DDX60: variants seen among roughly 807,000 people sequenced by gnomAD.
DDX60 encodes the protein DExD/H-box helicase 60, also known as probable ATP-dependent RNA helicase DDX60.
Under a neutral mutation model 212.8 loss-of-function variants are expected in DDX60, and 165 were observed. The observed-to-expected ratio is 0.78, with a 90% CI of 0.68 to 0.88. DDX60 has a LOEUF of 0.88. Among genes scored for constraint, DDX60 ranks in the 40% least tolerant of loss-of-function variants. The pLI, the probability that DDX60 is intolerant of heterozygous loss-of-function variation, is 0.00. For missense variants in DDX60, 1,905 were observed against 2,003.9 expected (o/e 0.95, Z 0.94); for synonymous variants, 703 against 685.3 (o/e 1.03, Z -0.40).
intron 13 of DDX60, among the ~76,000 whole-genome samples, chr4:168,281,838 T>C (rs1284136532): frequency 6.6e-6 from 1 of 152,212 alleles, no homozygotes; most frequent in East Asian, 1.9e-4. Context: ...ATTTGAGTTT[T>C]CCCAGTGTTT....
At position 168,306,543 on chromosome 4, in the gene DDX60, C is replaced by T. The variant is rs1329037832; in HGVS notation, c.442G>A (p.Glu148Lys). ...TGTGTTTGTAGATCGTTCAGGCCTT[C>T]GTCTGCAACTATCAGGAAATATGGG... ...SYPYFLIVAD[E>K]GLNDLQTQLF... The change falls in exon 5 of 38, where the codon GAA (glutamate) becomes AAA (lysine). Residue 148 changes from glutamate to lysine, a missense_variant. Transcript: ENST00000393743. 2 of 1,614,146 alleles carry T rather than the reference C, an allele frequency of 1.2e-6. No homozygotes were observed. Among genetic ancestry groups the T allele is most frequent in the Non-Finnish European group, 1.7e-6 (2 of 1,180,016 alleles).
intron 13 of DDX60, among the ~76,000 whole-genome samples, chr4:168,281,571 C>G (rs1735594494): frequency 6.6e-6 from 1 of 152,194 alleles, no homozygotes. Context: ...ACAAATACAA[C>G]TGATTTGCTC....
At chr4:168,260,557 C>T (rs1671316) in intron 25 of DDX60, among the ~76,000 whole-genome samples, 77,347 of 151,896 alleles carry the variant, frequency 0.51, 21,727 homozygotes, top group African/African-American at 0.77. Context: ...GCACAAGGAT[C>T]GAGGGGGATG....
intron 6 of DDX60, among the ~76,000 whole-genome samples, chr4:168,297,835 T>C (rs1736472726): frequency 6.6e-6 from 1 of 151,996 alleles, no homozygotes; most frequent in African/African-American, 2.4e-5. Flanking sequence ...GGCAAGGAGG[T>C]TGCTGTGATC....
intron 19 of DDX60, among the ~76,000 whole-genome samples, chr4:168,271,651 G>C (rs961485481): frequency 6.6e-6 from 1 of 152,164 alleles, no homozygotes; most frequent in Non-Finnish European, 1.5e-5. Flanking sequence ...TTAATTATCT[G>C]TTGGGATCAT....
At position 168,283,913 on chromosome 4, in the gene DDX60, A is replaced by C. The variant is rs1735705679; in HGVS notation, c.1562-307T>G. ...GTGAATTAGTTTAAGAAGAAGGTAG[A>C]GGCAGAGTGAAGAAGACAACCATCT... is the stretch of plus-strand genomic sequence containing the variant. On this transcript the variant is annotated intron_variant, in intron 12 of 37. Coordinates refer to ENST00000393743, the MANE Select transcript of DDX60 (RefSeq NM_017631.6). Among the ~76,000 whole-genome samples, 3 of 152,184 alleles carry C rather than the reference A, an allele frequency of 2.0e-5. No individual in the cohort carries two copies. In the South Asian group the frequency reaches 6.2e-4, roughly 32 times the overall value.
intron 22 of DDX60, 59 bp from the exon 23 acceptor site, chr4:168,262,846 C>T: frequency 1.7e-6 from 2 of 1,192,458 alleles, no homozygotes; most frequent in South Asian, 1.6e-5. Flanking sequence ...GTATCCTTTG[C>T]CTCTTAGTCA....
At chr4:168,320,765 T>C (rs530877217), upstream of DDX60, among the ~76,000 whole-genome samples, 5 of 152,234 alleles carry the variant, frequency 3.3e-5, no homozygotes, top group African/African-American at 9.6e-5. Flanking sequence ...ACCATATCAA[T>C]GATCACAGCA....
intron 6 of DDX60, among the ~76,000 whole-genome samples, chr4:168,294,794 G>A (rs969082427): frequency 2.6e-5 from 4 of 151,950 alleles, no homozygotes; most frequent in South Asian, 2.1e-4. Context: ...GAGCCACCGC[G>A]CCCAGCCAAA....
In DDX60 at chr4:168,255,686, T is replaced by C. The variant is rs985904135; in HGVS notation, c.3557+25A>G. On this transcript the variant is annotated intron_variant, in intron 26 of 37. Coordinates refer to ENST00000393743, the MANE Select transcript of DDX60 (RefSeq NM_017631.6). ...GGGGAGTATTTTAACCCTCTACTTATCAATTTGTTTAGTTAACTACTTACA... is the reference window on the plus strand; with the variant it reads ...GGGGAGTATTTTAACCCTCTACTTACCAATTTGTTTAGTTAACTACTTACA... 6 of 1,552,980 alleles carry C rather than the reference T, an allele frequency of 3.9e-6. No homozygotes were observed. The African/African-American group carries it at 5.6e-5, about 14-fold the overall frequency.
At chr4:168,297,328 AAGAAAGAAAGAAAGAAAGAAAG>A (rs1407678853) in intron 6 of DDX60, among the ~76,000 whole-genome samples, 14 of 79,090 alleles carry the variant, frequency 1.8e-4, no homozygotes, top group Admixed American at 1.5e-3. Flanking sequence ...GAAAGAAAGA[AAGAAAGAAAGAAAGAAAGAAAG>A]AAAGAAAGAA....
chr4:168,220,376 T>C (rs955262394), intron 37 of DDX60, among the ~76,000 whole-genome samples: 8 of 152,124 alleles, frequency 5.3e-5, no homozygotes, highest in African/African-American at 1.7e-4. Context: ...AATGAAGCTT[T>C]TGAATATTGC....
At chr4:168,299,005 A>G (rs143131243) in intron 6 of DDX60, among the ~76,000 whole-genome samples, 8,630 of 152,042 alleles carry the variant, frequency 0.057, 335 homozygotes, top group Non-Finnish European at 0.088. Flanking sequence ...TACTAAAAAT[A>G]CAAAAATTAG....
Position 168,217,006 on chromosome 4 carries a change from T to C in DDX60, c.5066A>G (p.Asn1689Ser). 5 of 1,606,200 alleles carry C rather than the reference T, an allele frequency of 3.1e-6. No homozygotes were observed. The highest frequency in any genetic ancestry group is 4.2e-6 in the Non-Finnish European group (5 of 1,177,554). ...GGCTAAGACAACGTTGTCGTCTTCA[T>C]TTTCACATAGCTCACGCAAGGAAAC... ...ISVSLRELCE[N>S]EDDNVVLAFE... The change falls in exon 38 of 38, where the codon AAT becomes AGT. Residue 1689 changes from asparagine (N) to serine (S), a missense_variant. Coordinates refer to ENST00000393743, the MANE Select transcript of DDX60 (RefSeq NM_017631.6).
At chr4:168,283,079 GA>G (rs1173022168) in intron 13 of DDX60, among the ~76,000 whole-genome samples, 3 of 151,806 alleles carry the variant, frequency 2.0e-5, no homozygotes, top group East Asian at 3.9e-4. Flanking sequence ...TTATAATTTA[GA>G]AAAAAAGTAG....
At position 168,280,384 on chromosome 4, in the gene DDX60, C is replaced by T; in HGVS notation, c.1929G>A (p.Gly643=). ...SCVKLQVEMV[G]LTACLKAWKE... ...TCCAGGCTTTCAAGCAAGCAGTTAA[C>T]CCCACCATTTCAACCTGAAGTTTCA... Residue 643 remains glycine, a synonymous_variant, in exon 14 of 38, where the codon GGG becomes GGA. Transcript: ENST00000393743. 6.2e-7 allele frequency: 1 copy of T among 1,614,108 alleles called. No individual in the cohort carries two copies. Among genetic ancestry groups the T allele is most frequent in the South Asian group, 1.1e-5 (1 of 91,076 alleles).
At position 168,243,333 on chromosome 4, in the gene DDX60, C is replaced by T. The variant is rs1733915431; in HGVS notation, c.4164+3085G>A. Among the ~76,000 whole-genome samples the T allele has an allele frequency of 2.0e-5, 3 of 152,046 alleles. 1 individual carries two copies. The South Asian group carries it at 6.2e-4, about 32-fold the overall frequency. On this transcript the variant is annotated intron_variant, in intron 30 of 37. Transcript: ENST00000393743. ...AATGATCATCAGAGAAAACAAACAA[C>T]CTACAGAATGGGAGAAAATTATCCA...
chr4:168,292,049 C>CTTTTT (rs772095573), intron 7 of DDX60, 143 bp from the exon 8 acceptor site: 9 of 303,586 alleles, frequency 3.0e-5, no homozygotes, highest in Admixed American at 5.7e-5. Context: ...TTCTTTCTTT[C>CTTTTT]TTTTTTTTTT....
chr4:168,250,302 G>A (rs554948118), intron 28 of DDX60, among the ~76,000 whole-genome samples: 140 of 152,118 alleles, frequency 9.2e-4, no homozygotes, highest in Non-Finnish European at 1.7e-3. Flanking sequence ...AGCACTTTGG[G>A]AGGCTGAGGC....
Sources: allele counts gnomAD v4.1 joint callset (sites outside exome capture counted in the v4.1 genomes callset), GRCh38; gene constraint gnomAD v4.1.1; transcripts MANE v1.5; gene names NCBI Gene and HGNC (gene_info 2026-07-23, HGNC 2026-07-21).